The following TIGAR variants were observed in gnomAD, a reference collection of about 807,000 sequenced individuals.
TIGAR encodes the protein TP53 induced glycolysis regulatory phosphatase, also known as fructose-2,6-bisphosphatase TIGAR.
Under a neutral mutation model 17.9 loss-of-function variants are expected in TIGAR, and 7 were observed. That is an observed-to-expected ratio of 0.39 (90% CI 0.22 to 0.73). The LOEUF (loss-of-function observed/expected upper bound fraction) is 0.73, where lower values mean the gene tolerates loss of function less well. Among genes scored for constraint, TIGAR ranks in the 30% least tolerant of loss-of-function variants. The pLI, the probability that TIGAR is intolerant of heterozygous loss-of-function variation, is 0.42. For synonymous variants in TIGAR, 94 were observed against 108.6 expected (o/e 0.87, Z 0.84); for missense variants, 258 against 327.4 (o/e 0.79, Z 1.64).
At chr12:4,335,443 A>G (rs912236964) in intron 2 of TIGAR, 5 of 152,134 alleles carry the variant, frequency 3.3e-5, no homozygotes, top group Admixed American at 1.3e-4. Flanking sequence ...CAATATGATG[A>G]CATTAGGAGG....
rs111676645 is a variant in TIGAR at position 4,321,998 on chromosome 12, A to ATTT, written c.32+706_32+708dup. On this transcript the variant is annotated intron_variant, in intron 1 of 5. Coordinates refer to ENST00000179259, the MANE Select transcript of TIGAR (RefSeq NM_020375.3). The surrounding 1 kb of genome is among the most constrained non-coding windows in gnomAD (Gnocchi z 5.2). ...GTTAAGAGCACAGATTTTTATTTTT[A>ATTT]TTTTTTTTTTTTTGTGAGATGGAGC... is the stretch of plus-strand genomic sequence containing the variant. Among the ~76,000 whole-genome samples the ATTT allele has an allele frequency of 6.7e-3, 765 of 114,078 alleles. 6 individuals carry two copies. Among genetic ancestry groups the ATTT allele is most frequent in the African/African-American group, 0.022 (749 of 33,530 alleles). The allele number at this position is 114,078 out of a possible 152,430, so 74.8% of individuals were successfully genotyped here. A position where few individuals can be genotyped will look rare whatever the true frequency, so the allele number is the denominator to read the frequency against.
intron 2 of TIGAR, chr12:4,335,599 C>G (rs1412362529): frequency 6.6e-6 from 1 of 152,228 alleles, no homozygotes; most frequent in Non-Finnish European, 1.5e-5. Context: ...GAGGCCCTCA[C>G]CAGAACCCAA....
chr12:4,337,746 T>A (rs1864675742), intron 3 of TIGAR, among the ~76,000 whole-genome samples: 1 of 152,190 alleles, frequency 6.6e-6, no homozygotes, highest in Admixed American at 6.5e-5. Context: ...CATCAGGTAT[T>A]AGGATTACCA....
Position 4,321,260 on chromosome 12 carries a change from G to A in TIGAR, c.-12G>A, listed in dbSNP as rs982895200. ...CGGCGCGGGGCCACCGACGGGACGC[G>A]GCTCCGGGAACATGGCTCGCTTCGC... On this transcript the variant is annotated 5_prime_UTR_variant, in exon 1 of 6. Coordinates refer to ENST00000179259, the MANE Select transcript of TIGAR (RefSeq NM_020375.3). This position sits in a 1 kb window ranked among gnomAD's most constrained non-coding sequence, Gnocchi z 5.2. 2.5e-6 allele frequency: 4 copies of A among 1,600,878 alleles called. No individual in the cohort carries two copies. Among genetic ancestry groups the A allele is most frequent in the Non-Finnish European group, 8.5e-7 (1 of 1,179,780 alleles).
At chr12:4,333,885 C>A (rs747832742) in intron 2 of TIGAR, among the ~76,000 whole-genome samples, 7 of 152,234 alleles carry the variant, frequency 4.6e-5, no homozygotes, top group Non-Finnish European at 1.0e-4. Context: ...CAGGCGTGAG[C>A]CACCACGCTT....
At chr12:4,335,904 G>T (rs1214357474) in intron 2 of TIGAR, among the ~76,000 whole-genome samples, 1 of 152,100 alleles carries the variant, frequency 6.6e-6, no homozygotes, top group Non-Finnish European at 1.5e-5. Flanking sequence ...CAGCAATCCT[G>T]ATTTTTATTA....
rs532843614 is a variant in TIGAR, at chr12:4,357,223, A to C, written c.*4532A>C. Among the ~76,000 whole-genome samples, 1 of 152,236 alleles carries C rather than the reference A, an allele frequency of 6.6e-6. No homozygotes were observed. The highest frequency in any genetic ancestry group is 6.5e-5 in the Admixed American group (1 of 15,288). ...TATTATGTATACTTGCATGCATATT[A>C]CATTTACAAGTAGATGAATTCGTGT... On this transcript the variant is annotated 3_prime_UTR_variant, in exon 6 of 6. Coordinates refer to ENST00000179259, the MANE Select transcript of TIGAR (RefSeq NM_020375.3).
chr12:4,344,869 A>G (rs942997417), intron 3 of TIGAR, among the ~76,000 whole-genome samples: 2 of 152,222 alleles, frequency 1.3e-5, no homozygotes, highest in African/African-American at 2.4e-5. Flanking sequence ...AGAAAACCCC[A>G]TTGTCTCAGC....
At chr12:4,323,254 G>T (rs77831677) in intron 1 of TIGAR, among the ~76,000 whole-genome samples, 21 of 152,128 alleles carry the variant, frequency 1.4e-4, no homozygotes, top group African/African-American at 5.1e-4. Context: ...CAGCCTAAGC[G>T]ACACAGTGGG....
chr12:4,342,307 A>G (rs1223611033), intron 3 of TIGAR, among the ~76,000 whole-genome samples: 1 of 152,202 alleles, frequency 6.6e-6, no homozygotes, highest in African/African-American at 2.4e-5. Context: ...GTTGGAAAAC[A>G]CTCTGCAGCA....
intron 1 of TIGAR, among the ~76,000 whole-genome samples, chr12:4,326,446 A>T (rs1591658849): frequency 6.6e-6 from 1 of 152,264 alleles, no homozygotes; most frequent in African/African-American, 2.4e-5. Flanking sequence ...CTAAATATTT[A>T]TGAAAGCTTT....
rs1317949338 is a variant in TIGAR at position 4,354,649 on chromosome 12, C to G, written c.*1958C>G. 1 of 151,540 alleles carries G rather than the reference C, an allele frequency of 6.6e-6. No individual in the cohort carries two copies. Among genetic ancestry groups the G allele is most frequent in the Non-Finnish European group, 1.5e-5 (1 of 67,952 alleles). The allele number at this position is 151,540 out of a possible 1,614,324, so 9.4% of individuals were successfully genotyped here. ...ATATATAGATCTAGTTAATTATAACCACTCTATTCTATTAAATATAGCACA... is the reference window on the plus strand; with the variant it reads ...ATATATAGATCTAGTTAATTATAACGACTCTATTCTATTAAATATAGCACA... On this transcript the variant is annotated 3_prime_UTR_variant, in exon 6 of 6. Transcript: ENST00000179259.
rs1187934458 is a variant in TIGAR at position 4,354,806 on chromosome 12, AC to A, written c.*2116del. On this transcript the variant is annotated 3_prime_UTR_variant, in exon 6 of 6. Coordinates refer to ENST00000179259, the MANE Select transcript of TIGAR (RefSeq NM_020375.3). ...GGGTGCAATGGCGTGATCTTGGCTC[AC>A]TGCAACCTCCACCTCTCGGGTTCAA... 2.1e-5 allele frequency among the ~76,000 whole-genome samples: 3 copies of A among 143,738 alleles called. No individual in the cohort carries two copies. Among genetic ancestry groups the A allele is most frequent in the Non-Finnish European group, 4.5e-5 (3 of 66,738 alleles). 94.3% of individuals were successfully genotyped at this position (143,738 alleles called of 152,430 possible).
intron 3 of TIGAR, among the ~76,000 whole-genome samples, chr12:4,338,850 C>T (rs1162375525): frequency 1.3e-5 from 2 of 151,758 alleles, no homozygotes; most frequent in African/African-American, 4.8e-5. Flanking sequence ...GTGGCAGGCA[C>T]CTGTAATCCC....
At chr12:4,324,628 C>A in intron 1 of TIGAR, 7 of 1,479,564 alleles carry the variant, frequency 4.7e-6, no homozygotes, top group Non-Finnish European at 6.5e-6. Context: ...CTTGGCCTTG[C>A]GCAGGCGCTT....
intron 1 of TIGAR, among the ~76,000 whole-genome samples, chr12:4,326,740 A>C (rs73042200): frequency 0.055 from 8,444 of 152,266 alleles, 343 homozygotes; most frequent in South Asian, 0.089. Context: ...GTAAACCTTT[A>C]TTTTAATTTG....
At chr12:4,337,627 A>T (rs1287173122) in intron 3 of TIGAR, among the ~76,000 whole-genome samples, 2 of 152,212 alleles carry the variant, frequency 1.3e-5, no homozygotes, top group East Asian at 3.8e-4. Flanking sequence ...TTTTTAAAAA[A>T]AATAATTTTT....
intron 2 of TIGAR, among the ~76,000 whole-genome samples, chr12:4,334,708 G>T (rs1216815056): frequency 6.6e-6 from 1 of 152,196 alleles, no homozygotes; most frequent in Non-Finnish European, 1.5e-5. Flanking sequence ...CCTCTAGTGT[G>T]TGTAGAGCAG....
chr12:4,352,328 AG>A lies in TIGAR; in HGVS notation c.451del (p.Glu151AsnfsTer22). 1.2e-6 allele frequency: 2 copies of A among 1,614,156 alleles called. No homozygotes were observed. Among genetic ancestry groups the A allele is most frequent in the South Asian group, 2.2e-5 (2 of 91,078 alleles). ...TAATCCTGAAAGAAGCGGATCAAAA[AG>A]AACAGTTTTCCCAAGGATCTCCAAG... The part of the protein sequence containing the change: ...QLILKEADQK[E>X]QFSQGSPSNC... On this transcript the variant is annotated frameshift_variant, in exon 6 of 6. Coordinates refer to ENST00000179259, the MANE Select transcript of TIGAR (RefSeq NM_020375.3). LOFTEE classifies it low-confidence loss of function (END_TRUNC).
Sources: gnomAD v4.1 joint callset for allele counts (sites outside exome capture counted in the v4.1 genomes callset) on GRCh38, gnomAD v4.1.1 for gene constraint, Gnocchi (gnomAD v3.1) non-coding constraint, MANE v1.5 for transcripts, NCBI Gene and HGNC (gene_info 2026-07-23, HGNC 2026-07-21) for gene names.